CDH8: variants seen among roughly 807,000 people sequenced by gnomAD.
CDH8 encodes the protein cadherin 8.
Under a neutral mutation model 68.1 loss-of-function variants are expected in CDH8, and 17 were observed. That is an observed-to-expected ratio of 0.25 (90% CI 0.17 to 0.37). The LOEUF (loss-of-function observed/expected upper bound fraction) is 0.37. CDH8 is among the 10% of genes least tolerant of loss of function. The probability of loss-of-function intolerance (pLI) is 1.00; values close to 1 mark genes in which losing one functional copy is unlikely to be tolerated. For synonymous variants in CDH8, 372 were observed against 365.1 expected (o/e 1.02, Z -0.21); for missense variants, 763 against 999.3 (o/e 0.76, Z 3.19).
At chr16:61,897,818 AATAT>A (rs1240071047) in intron 3 of CDH8, among the ~76,000 whole-genome samples, 1 of 152,112 alleles carries the variant, frequency 6.6e-6, no homozygotes, top group Non-Finnish European at 1.5e-5. Flanking sequence ...AAAAAAGTGA[AATAT>A]ATATATAGTG....
chr16:61,677,587 GAAAACCA>G (rs1963938621), intron 10 of CDH8, among the ~76,000 whole-genome samples: 1 of 151,882 alleles, frequency 6.6e-6, no homozygotes. Flanking sequence ...CCCAATCTTG[GAAAACCA>G]AAAACGTGAT....
At chr16:61,837,945 C>T (rs1443021841) in intron 4 of CDH8, among the ~76,000 whole-genome samples, 1 of 151,726 alleles carries the variant, frequency 6.6e-6, no homozygotes, top group African/African-American at 2.4e-5. Flanking sequence ...GGAGGGAAGC[C>T]GGAGGCAAAA....
intron 10 of CDH8, chr16:61,692,315 C>T (rs1318643967): frequency 1.3e-5 from 2 of 152,138 alleles, no homozygotes; most frequent in Non-Finnish European, 2.9e-5. Context: ...TTTAGTCACT[C>T]TTGCTACGCG....
At chr16:61,993,667 C>T (rs1321278738) in intron 2 of CDH8, among the ~76,000 whole-genome samples, 1 of 152,186 alleles carries the variant, frequency 6.6e-6, no homozygotes, top group African/African-American at 2.4e-5. Flanking sequence ...CCCTGTCCTC[C>T]AGTTCCTCCT....
At chr16:61,689,303 A>G (rs1355633953) in intron 10 of CDH8, among the ~76,000 whole-genome samples, 1 of 152,042 alleles carries the variant, frequency 6.6e-6, no homozygotes, top group Non-Finnish European at 1.5e-5. Context: ...TCAGGTATTT[A>G]CACATGTAAG....
intron 2 of CDH8, among the ~76,000 whole-genome samples, chr16:61,984,230 A>G (rs1965590278): frequency 6.6e-6 from 1 of 152,094 alleles, no homozygotes; most frequent in African/African-American, 2.4e-5. Flanking sequence ...TTATTTTAAT[A>G]AGGGCACTAA....
At chr16:62,027,956 C>T (rs146665305) in intron 1 of CDH8, among the ~76,000 whole-genome samples, 3 of 152,186 alleles carry the variant, frequency 2.0e-5, no homozygotes, top group South Asian at 2.1e-4. Context: ...ACAACCCTTC[C>T]GGTCATCCTT....
chr16:61,680,454 C>T (rs1283180156), intron 10 of CDH8, among the ~76,000 whole-genome samples: 2 of 151,830 alleles, frequency 1.3e-5, no homozygotes, highest in East Asian at 1.9e-4. Flanking sequence ...AAAATACAAC[C>T]ATTTCTGTGT....
At chr16:61,889,746 G>A (rs1963741365) in intron 3 of CDH8, among the ~76,000 whole-genome samples, 3 of 152,212 alleles carry the variant, frequency 2.0e-5, no homozygotes, top group Non-Finnish European at 2.9e-5. Context: ...ACACACATGT[G>A]GCTTGAATAA....
At chr16:61,918,778 A>C (rs975835614) in intron 2 of CDH8, 1 of 151,846 alleles carries the variant, frequency 6.6e-6, no homozygotes, top group African/African-American at 2.4e-5. Flanking sequence ...TAGGTAAACA[A>C]AGCAGCCGGG....
At chr16:61,839,521 A>G (rs1366821394) in intron 4 of CDH8, among the ~76,000 whole-genome samples, 1 of 152,214 alleles carries the variant, frequency 6.6e-6, no homozygotes, top group Non-Finnish European at 1.5e-5. Context: ...TCAGGTGAGC[A>G]AATCAGACAG....
At chr16:61,854,649 G>T (rs973130671) in intron 4 of CDH8, among the ~76,000 whole-genome samples, 3 of 152,068 alleles carry the variant, frequency 2.0e-5, no homozygotes, top group African/African-American at 2.4e-5. Context: ...CACAAAGGGG[G>T]TATTTGCTTT....
Position 61,765,815 on chromosome 16 carries a change from A to C in CDH8, c.1414+23531T>G, listed in dbSNP as rs528884691. On this transcript the variant is annotated intron_variant, in intron 8 of 11. Coordinates refer to ENST00000577390, the MANE Select transcript of CDH8 (RefSeq NM_001796.5). ...ATAAGGCAGACAGAAATGATGAACA[A>C]AATAACAAACTAAATCTAGATACCT... Among the ~76,000 whole-genome samples the C allele has an allele frequency of 3.2e-4, 49 of 152,086 alleles. 1 individual carries two copies. The highest frequency in any genetic ancestry group is 5.4e-4 in the Non-Finnish European group (37 of 67,928).
At chr16:61,901,046 G>C (rs1963960985) in intron 3 of CDH8, 133 bp downstream of exon 3, 1 of 810,464 alleles carries the variant, frequency 1.2e-6, no homozygotes, top group Non-Finnish European at 1.9e-6. Flanking sequence ...AGGCCAAAAA[G>C]GGGGATTTGG....
At chr16:61,926,826 A>T (rs1452113296) in intron 2 of CDH8, among the ~76,000 whole-genome samples, 1 of 152,208 alleles carries the variant, frequency 6.6e-6, no homozygotes, top group Admixed American at 6.5e-5. Context: ...TTTGGGAGGA[A>T]AAATGGATAC....
chr16:61,772,402 G>C (rs1326939574), intron 8 of CDH8, among the ~76,000 whole-genome samples: 2 of 152,030 alleles, frequency 1.3e-5, no homozygotes, highest in East Asian at 3.9e-4. Context: ...TGAAAAGTGA[G>C]ACAAAGCTAG....
At chr16:61,656,292 A>G (rs967713924) in intron 10 of CDH8, among the ~76,000 whole-genome samples, 7 of 152,214 alleles carry the variant, frequency 4.6e-5, no homozygotes, top group African/African-American at 1.4e-4. Context: ...TTCTTTTACA[A>G]AAATAATCTT....
intron 7 of CDH8, among the ~76,000 whole-genome samples, chr16:61,791,599 C>A (rs764470499): frequency 2.0e-5 from 3 of 151,916 alleles, no homozygotes; most frequent in Admixed American, 1.3e-4. Context: ...ATGCGTCAAC[C>A]AATTTCCCAG....
chr16:61,913,032 A>G (rs1057453595), intron 2 of CDH8, among the ~76,000 whole-genome samples: 4 of 152,148 alleles, frequency 2.6e-5, no homozygotes, highest in Admixed American at 1.3e-4. Context: ...ATTGGGTATG[A>G]TAAGTACAAG....
Sources: gnomAD v4.1 joint callset for allele counts (sites outside exome capture counted in the v4.1 genomes callset) on GRCh38, gnomAD v4.1.1 for gene constraint, MANE v1.5 for transcripts, NCBI Gene and HGNC (gene_info 2026-07-23, HGNC 2026-07-21) for gene names.